The following TFCP2 variants were observed in gnomAD, a reference collection of about 807,000 sequenced individuals.
TFCP2 encodes the protein transcription factor CP2.
TFCP2 carries 33 observed loss-of-function variants against 73.4 expected under a neutral mutation model. That is an observed-to-expected ratio of 0.45 (90% confidence interval 0.34 to 0.60). TFCP2 has a LOEUF of 0.60. Among genes scored for constraint, TFCP2 ranks in the 20% least tolerant of loss-of-function variants. The pLI is 0.01. For missense variants in TFCP2, 352 were observed against 604.0 expected, an observed-to-expected ratio of 0.58 and a Z score of 4.37; for synonymous variants, 193 against 211.6, an observed-to-expected ratio of 0.91 and a Z score of 0.76.
At chr12:51,152,484 T>C (rs1259885827) in intron 1 of TFCP2, among the ~76,000 whole-genome samples, 1 of 152,228 alleles carries the variant, frequency 6.6e-6, no homozygotes, top group Non-Finnish European at 1.5e-5. Flanking sequence ...CTATAGATTA[T>C]AGCATTGTGT....
chr12:51,116,245 C>T (rs1592800258), intron 4 of TFCP2, 70 bp downstream of exon 4: 1 of 750,674 alleles, frequency 1.3e-6, no homozygotes, highest in East Asian at 2.6e-5. Flanking sequence ...AGGTAAATGT[C>T]AAATAAAGAA....
At chr12:51,140,737 GAC>G (rs1941173725) in intron 1 of TFCP2, among the ~76,000 whole-genome samples, 1 of 151,664 alleles carries the variant, frequency 6.6e-6, no homozygotes, top group Non-Finnish European at 1.5e-5. Flanking sequence ...GGACCACAGA[GAC>G]ACACTACTGC....
chr12:51,125,593 G>C (rs901513998), intron 1 of TFCP2, among the ~76,000 whole-genome samples: 9 of 152,134 alleles, frequency 5.9e-5, no homozygotes, highest in Non-Finnish European at 1.3e-4. Context: ...AACCTCTTCT[G>C]CTCAGCTCAC....
At chr12:51,141,924 A>G (rs12228146) in intron 1 of TFCP2, among the ~76,000 whole-genome samples, 1 of 145,136 alleles carries the variant, frequency 6.9e-6, no homozygotes, top group Admixed American at 6.9e-5. Context: ...AAAAAAAAAA[A>G]CCAGGCACAG....
chr12:51,112,550 G>A (rs931821922), intron 4 of TFCP2, among the ~76,000 whole-genome samples: 2 of 152,136 alleles, frequency 1.3e-5, no homozygotes, highest in Admixed American at 6.5e-5. Context: ...TATCATGAAT[G>A]AAAGTGGGAA....
intron 1 of TFCP2, among the ~76,000 whole-genome samples, chr12:51,158,819 G>GA (rs1445796940): frequency 1.3e-5 from 2 of 148,932 alleles, no homozygotes; most frequent in African/African-American, 4.9e-5. Context: ...TCTCAAAAGG[G>GA]AAAAAAGAAA....
chr12:51,168,409 T>C (rs1941795880), intron 1 of TFCP2, among the ~76,000 whole-genome samples: 1 of 151,428 alleles, frequency 6.6e-6, no homozygotes, highest in African/African-American at 2.4e-5. Flanking sequence ...TCAACTCTAA[T>C]GAATAAATAA....
chr12:51,124,928 C>T (rs1273113276), intron 1 of TFCP2: 1 of 819,750 alleles, frequency 1.2e-6, no homozygotes, highest in African/African-American at 1.7e-5. Flanking sequence ...CCAGGATGAG[C>T]CCAAATGTGG....
chr12:51,107,288 G>A lies in TFCP2; in HGVS notation c.776C>T (p.Pro259Leu). 1 of 1,613,088 alleles carries A rather than the reference G, an allele frequency of 6.2e-7. No homozygotes were observed. The highest frequency in any genetic ancestry group is 8.5e-7 in the Non-Finnish European group (1 of 1,179,760). Residue 259 changes from proline to leucine, a missense_variant, in exon 7 of 15, where the codon CCT (proline) becomes CTT (leucine). Around this residue, in one of 6 missense-constraint regions of TFCP2, gnomAD observed 47 missense variants for 89.1 expected, o/e 0.53. Transcript: ENST00000257915. The stretch of plus-strand genomic sequence containing the variant: ...AGGCTGATATTTCTCCTTTTCATGA[G>A]GTGTTCGTTTCTCCATTTTTTCCCT... ...TDREKMEKRT[P>L]HEKEKYQPSY...
intron 1 of TFCP2, among the ~76,000 whole-genome samples, chr12:51,143,342 C>G (rs1017004049): frequency 6.7e-6 from 1 of 150,168 alleles, no homozygotes; most frequent in Non-Finnish European, 1.5e-5. Context: ...AATGGCAACA[C>G]CATCCAACAA....
chr12:51,131,708 C>A (rs144066311), intron 1 of TFCP2, among the ~76,000 whole-genome samples: 1 of 152,248 alleles, frequency 6.6e-6, no homozygotes, highest in Admixed American at 6.5e-5. Context: ...TTGAATAACT[C>A]CTCTTTTGAA....
intron 1 of TFCP2, among the ~76,000 whole-genome samples, chr12:51,154,238 C>G (rs1941491864): frequency 6.6e-6 from 1 of 152,158 alleles, no homozygotes; most frequent in African/African-American, 2.4e-5. Flanking sequence ...TGGGGGGGAT[C>G]CAAGACTCCC....
At chr12:51,125,805 C>T (rs10735830) in intron 1 of TFCP2, among the ~76,000 whole-genome samples, 149,832 of 152,330 alleles carry the variant, frequency 0.98, 73,728 homozygotes, top group Middle Eastern at 1. Context: ...TATAAAGATA[C>T]AGAAATCACA....
chr12:51,147,078 C>T (rs1312066806), intron 1 of TFCP2, among the ~76,000 whole-genome samples: 1 of 152,224 alleles, frequency 6.6e-6, no homozygotes, highest in Admixed American at 6.5e-5. Context: ...CACAGTGGCT[C>T]ACGCCTGTAA....
chr12:51,146,595 C>A (rs183551197), intron 1 of TFCP2, among the ~76,000 whole-genome samples: 25 of 152,194 alleles, frequency 1.6e-4, no homozygotes, highest in African/African-American at 6.0e-4. Flanking sequence ...TATACTAGAA[C>A]AATAATTTAG....
intron 1 of TFCP2, among the ~76,000 whole-genome samples, chr12:51,151,747 T>G (rs2137030564): frequency 6.6e-6 from 1 of 152,272 alleles, no homozygotes; most frequent in East Asian, 1.9e-4. Flanking sequence ...ATACCTAATT[T>G]TAAAAGGCTT....
intron 1 of TFCP2, among the ~76,000 whole-genome samples, chr12:51,171,470 C>T (rs1314021102): frequency 3.3e-5 from 5 of 152,160 alleles, no homozygotes; most frequent in African/African-American, 9.7e-5. Context: ...CTCCGCCTCC[C>T]GGGTTCAAGC....
At chr12:51,099,810 A>G (rs1940064909) in intron 11 of TFCP2, 31 bp from the exon 12 acceptor site, 1 of 1,609,656 alleles carries the variant, frequency 6.2e-7, no homozygotes, top group Non-Finnish European at 8.5e-7. Flanking sequence ...AATTAGTCTT[A>G]CATTCTTTAT....
At chr12:51,150,827 C>T (rs1173754326) in intron 1 of TFCP2, among the ~76,000 whole-genome samples, 1 of 152,194 alleles carries the variant, frequency 6.6e-6, no homozygotes, top group Non-Finnish European at 1.5e-5. Context: ...ATTCATTCAA[C>T]ACATCAGCGC....
Sources: allele counts gnomAD v4.1 joint callset (sites outside exome capture counted in the v4.1 genomes callset), GRCh38; gene constraint gnomAD v4.1.1; regional missense constraint gnomAD v4.1.1; transcripts MANE v1.5; gene names NCBI Gene and HGNC (gene_info 2026-07-23, HGNC 2026-07-21).